Variants in ADGRV1 observed in about 807,000 individuals in gnomAD.
The protein encoded by ADGRV1 is G-protein coupled receptor 98.
A neutral mutation model predicts 596.2 loss-of-function variants in ADGRV1; 359 were observed. The observed-to-expected ratio is 0.60, with a 90% confidence interval of 0.55 to 0.66. ADGRV1 has a LOEUF of 0.66. ADGRV1 is among the 30% of genes least tolerant of loss of function. The probability of loss-of-function intolerance (pLI) is 0.00; values close to 1 mark genes in which losing one functional copy is unlikely to be tolerated. For synonymous variants in ADGRV1, 2,681 were observed against 2,679.2 expected (o/e 1.00, Z -0.02); for missense variants, 7,274 against 7,575.6 (o/e 0.96, Z 1.48).
chr5:90,730,137 G>A lies in ADGRV1; in HGVS notation c.10549+373G>A, dbSNP rs1304348332. ...CACCCAAAGTGCTGGGATTATAGGC[G>A]TGAGCCACCACGCCCAGCCGACTCT... On this transcript the variant is annotated intron_variant, in intron 50 of 89. Coordinates refer to ENST00000405460, the MANE Select transcript of ADGRV1 (RefSeq NM_032119.4). 3.3e-5 allele frequency among the ~76,000 whole-genome samples: 5 copies of A among 152,174 alleles called. No individual in the cohort carries two copies. The East Asian group carries it at 5.8e-4, about 18-fold the overall frequency.
intron 34 of ADGRV1, among the ~76,000 whole-genome samples, chr5:90,701,479 T>C (rs933647104): frequency 2.5e-4 from 38 of 151,984 alleles, no homozygotes; most frequent in Non-Finnish European, 1.5e-5. Flanking sequence ...AATTTCACAC[T>C]ATTCTTGCTG....
intron 84 of ADGRV1, among the ~76,000 whole-genome samples, chr5:90,969,080 G>A (rs1489940130): frequency 6.8e-6 from 1 of 147,226 alleles, no homozygotes; most frequent in Non-Finnish European, 1.5e-5. Context: ...ATATTTTAGA[G>A]TAGCTTAGGG....
intron 45 of ADGRV1, among the ~76,000 whole-genome samples, chr5:90,722,768 G>T (rs1315813017): frequency 7.6e-6 from 1 of 131,254 alleles, no homozygotes; most frequent in African/African-American, 2.9e-5. Flanking sequence ...GTCTCTGCTG[G>T]AGAGATAAAC....
At chr5:91,098,771 C>A (rs1042333930) in intron 86 of ADGRV1, among the ~76,000 whole-genome samples, 1 of 152,186 alleles carries the variant, frequency 6.6e-6, no homozygotes, top group Non-Finnish European at 1.5e-5. Context: ...ACATACCACT[C>A]GCTTTGCTCT....
At chr5:90,907,943 C>T (rs1358598714) in intron 83 of ADGRV1, among the ~76,000 whole-genome samples, 5 of 152,120 alleles carry the variant, frequency 3.3e-5, no homozygotes, top group East Asian at 1.9e-4. Flanking sequence ...CTCCATCTCC[C>T]GGGTTCAAGT....
chr5:91,115,457 C>G (rs1442762270), intron 87 of ADGRV1, among the ~76,000 whole-genome samples: 2 of 152,122 alleles, frequency 1.3e-5, no homozygotes, highest in Non-Finnish European at 2.9e-5. Context: ...GATGAGGAAG[C>G]CTGTGCATGC....
chr5:90,729,599 G>T (rs1222847049), intron 49 of ADGRV1, 43 bp from the exon 50 acceptor site: 6 of 1,474,792 alleles, frequency 4.1e-6, no homozygotes, highest in Admixed American at 2.0e-5. Context: ...ATTTTTTTCT[G>T]TAACTTTTGC....
chr5:90,771,541 G>C (rs1036314304), intron 59 of ADGRV1, among the ~76,000 whole-genome samples: 2 of 151,992 alleles, frequency 1.3e-5, no homozygotes, highest in Admixed American at 6.6e-5. Context: ...TGAAATAGCA[G>C]GTTGCTACCT....
intron 27 of ADGRV1, among the ~76,000 whole-genome samples, chr5:90,681,826 C>T (rs926314496): frequency 1.6e-5 from 2 of 127,078 alleles, no homozygotes; most frequent in Non-Finnish European, 3.5e-5. Context: ...CCCTCCCTCA[C>T]TCCGTCCCTC....
intron 86 of ADGRV1, among the ~76,000 whole-genome samples, chr5:91,079,191 T>A (rs377298128): frequency 7.2e-5 from 11 of 152,252 alleles, no homozygotes; most frequent in African/African-American, 2.2e-4. Flanking sequence ...AAGCTCCATT[T>A]CTGAAAATAA....
intron 87 of ADGRV1, among the ~76,000 whole-genome samples, chr5:91,117,235 A>G (rs1792925896): frequency 6.6e-6 from 1 of 152,194 alleles, no homozygotes; most frequent in Non-Finnish European, 1.5e-5. Flanking sequence ...AAAGTAAATT[A>G]TACATAGTTT....
intron 53 of ADGRV1, 87 bp downstream of exon 53, chr5:90,750,784 TGTTTGA>T: frequency 2.0e-6 from 2 of 992,762 alleles, no homozygotes; most frequent in Non-Finnish European, 3.1e-6. Flanking sequence ...ATGGATGAAG[TGTTTGA>T]GTTTGACCAT....
chr5:91,001,058 A>G (rs1029885931), intron 85 of ADGRV1, among the ~76,000 whole-genome samples: 1 of 152,102 alleles, frequency 6.6e-6, no homozygotes, highest in Non-Finnish European at 1.5e-5. Flanking sequence ...ATATCTGTCA[A>G]GTTAGGTTCT....
intron 87 of ADGRV1, among the ~76,000 whole-genome samples, chr5:91,123,756 A>G (rs7706968): frequency 6.6e-6 from 1 of 152,158 alleles, no homozygotes; most frequent in Non-Finnish European, 1.5e-5. Flanking sequence ...TAATTAATTT[A>G]TCTATTCTGT....
intron 85 of ADGRV1, among the ~76,000 whole-genome samples, chr5:91,035,861 T>TTATATATATATATATATATATA (rs1554202360): frequency 2.1e-5 from 2 of 96,398 alleles, no homozygotes; most frequent in Non-Finnish European, 4.3e-5. Context: ...TATATATATA[T>TTATATATATATATATATATATA]TATATATATA....
chr5:90,967,574 G>A (rs928329551), intron 84 of ADGRV1, among the ~76,000 whole-genome samples: 1 of 151,998 alleles, frequency 6.6e-6, no homozygotes, highest in African/African-American at 2.4e-5. Flanking sequence ...TATGCTAAAG[G>A]TCTTTGTCCA....
chr5:90,857,152 C>A (rs960845525), intron 82 of ADGRV1, among the ~76,000 whole-genome samples: 4 of 151,990 alleles, frequency 2.6e-5, no homozygotes, highest in African/African-American at 9.7e-5. Flanking sequence ...GATGACATTT[C>A]TTATTTAATA....
rs1562269832 is a variant in ADGRV1, at chr5:91,140,369, CT to C, written c.18433-9660del. Among the ~76,000 whole-genome samples, 5 of 152,128 alleles carry C rather than the reference CT, an allele frequency of 3.3e-5. No individual in the cohort carries two copies. In the East Asian group the frequency reaches 9.6e-4, roughly 29 times the overall value. ...ATGAGAAAGATATCTGAATGCTAAA[CT>C]CTTAAGGCCTTGTTTTCAAAAAGGT... On this transcript the variant is annotated intron_variant, in intron 87 of 89. Transcript: ENST00000405460.
In ADGRV1 at chr5:90,778,829, A is replaced by T. The variant is rs41308293; in HGVS notation, c.12850-36A>T. Reference sequence around the variant, plus strand: ...CAGACAGTATTGTCTGGTAGATTAAACATCCAAATCAAATAAGAAAATGCA... The same window carrying T: ...CAGACAGTATTGTCTGGTAGATTAATCATCCAAATCAAATAAGAAAATGCA... On this transcript the variant is annotated intron_variant, in intron 63 of 89. Transcript: ENST00000405460. The T allele has an allele frequency of 0.088, 134,423 of 1,529,658 alleles. 6,956 individuals carry two copies. The highest frequency in any genetic ancestry group is 0.1 in the Non-Finnish European group (111,648 of 1,113,362). 94.8% of individuals were successfully genotyped at this position (1,529,658 alleles called of 1,614,324 possible). A position where few individuals can be genotyped will look rare whatever the true frequency, so the allele number is the denominator to read the frequency against.
Sources: allele counts gnomAD v4.1 joint callset (sites outside exome capture counted in the v4.1 genomes callset), GRCh38; gene constraint gnomAD v4.1.1; transcripts MANE v1.5; gene names NCBI Gene and HGNC (gene_info 2026-07-23, HGNC 2026-07-21).